PRDM10: variants seen among roughly 807,000 people sequenced by gnomAD.
PRDM10 encodes the protein PR/SET domain 10.
In PRDM10, 65 loss-of-function variants were observed where a neutral mutation model predicts 133.1. The ratio of observed to expected loss-of-function variants is 0.49; its 90% CI spans 0.40 to 0.60. PRDM10 has a LOEUF of 0.60. Ranked by LOEUF, PRDM10 falls within the 20% of genes least tolerant of loss-of-function variation. The probability of loss-of-function intolerance (pLI) is 0.00; values close to 1 mark genes in which losing one functional copy is unlikely to be tolerated. For missense variants in PRDM10, 1,137 were observed against 1,507.1 expected (o/e 0.75, Z 4.07); for synonymous variants, 582 against 580.4 (o/e 1.00, Z -0.04).
At chr11:129,998,665 CAGA>C (rs1010079328) in intron 1 of PRDM10, among the ~76,000 whole-genome samples, 7 of 152,180 alleles carry the variant, frequency 4.6e-5, no homozygotes, top group Admixed American at 1.3e-4. Context: ...TTTCAAGTTA[CAGA>C]AGAAGAATCT....
rs564089033 is a variant in PRDM10, at chr11:129,987,882, T to G, written c.-119+14840A>C. Among the ~76,000 whole-genome samples, 535 of 152,264 alleles carry G rather than the reference T, an allele frequency of 3.5e-3. 3 individuals carry two copies. Among genetic ancestry groups the G allele is most frequent in the African/African-American group, 0.012 (512 of 41,540 alleles). On this transcript the variant is annotated intron_variant, in intron 1 of 20. Coordinates refer to ENST00000360871, the MANE Select transcript of PRDM10 (RefSeq NM_199437.2). ...TGGGCGCAGTGGCAGGTGCCTGTAGTTCCAGCTACTCGGGAGACTGAGGCA... is the reference window on the plus strand; with the variant it reads ...TGGGCGCAGTGGCAGGTGCCTGTAGGTCCAGCTACTCGGGAGACTGAGGCA...
At chr11:129,942,850 A>G (rs779670477) in intron 6 of PRDM10, among the ~76,000 whole-genome samples, 4 of 152,222 alleles carry the variant, frequency 2.6e-5, no homozygotes, top group Admixed American at 6.5e-5. Flanking sequence ...GGCAAAATCT[A>G]AAAGTTCATC....
At chr11:129,931,373 C>A in intron 10 of PRDM10, 115 bp from the exon 11 acceptor site, 1 of 1,380,398 alleles carries the variant, frequency 7.2e-7, no homozygotes, top group Non-Finnish European at 9.7e-7. Flanking sequence ...AAAAAATATT[C>A]TCCCTCTGGG....
rs2135885105 is a variant in PRDM10, at chr11:129,947,290, G to A, written c.375C>T (p.Thr125=). Residue 125 remains threonine (T), a synonymous_variant, in exon 5 of 21, where the codon ACC becomes ACT. Transcript: ENST00000360871. This position sits in a 1 kb window ranked among gnomAD's most constrained non-coding sequence, Gnocchi z 4.6. ...DGSDPLATLQ[T]PLGRLEAKEE... ...CTTTGGCCTCCAGTCTGCCTAGAGG[G>A]GTCTGCAGAGTTGCCAAAGGGTCGG... The A allele has an allele frequency of 6.2e-7, 1 of 1,614,046 alleles. No individual in the cohort carries two copies. The highest frequency in any genetic ancestry group is 8.5e-7 in the Non-Finnish European group (1 of 1,180,002).
intron 1 of PRDM10, among the ~76,000 whole-genome samples, chr11:129,961,307 A>G (rs1951790721): frequency 6.7e-6 from 1 of 150,100 alleles, no homozygotes; most frequent in Admixed American, 6.7e-5. Context: ...GGGTGAGGGG[A>G]GTTGTTTTTG....
intron 4 of PRDM10, among the ~76,000 whole-genome samples, chr11:129,950,041 G>C (rs1951542899): frequency 6.7e-6 from 1 of 150,232 alleles, no homozygotes; most frequent in Non-Finnish European, 1.5e-5. Context: ...TTCGAGACCA[G>C]CCTGAGCAAC....
intron 17 of PRDM10, 66 bp downstream of exon 17, chr11:129,914,638 C>G (rs773373139): frequency 1.0e-5 from 16 of 1,590,294 alleles, no homozygotes; most frequent in African/African-American, 4.0e-5. Flanking sequence ...AGCCCCAGCT[C>G]TGAGAATGAG....
At chr11:129,943,264 G>C (rs1247830822) in intron 6 of PRDM10, among the ~76,000 whole-genome samples, 5 of 152,202 alleles carry the variant, frequency 3.3e-5, no homozygotes, top group Non-Finnish European at 1.5e-5. Context: ...TCTTTAACCA[G>C]AGTCTACAGG....
At chr11:129,940,079 T>C (rs1219748093) in intron 7 of PRDM10, among the ~76,000 whole-genome samples, 1 of 152,234 alleles carries the variant, frequency 6.6e-6, no homozygotes, top group African/African-American at 2.4e-5. Flanking sequence ...ATTCAGGCTC[T>C]GCACACAAAG....
chr11:129,936,085 A>G (rs1441567259), intron 8 of PRDM10, among the ~76,000 whole-genome samples: 1 of 152,166 alleles, frequency 6.6e-6, no homozygotes, highest in East Asian at 1.9e-4. Flanking sequence ...CACCCGGCCA[A>G]TCATTGAATC....
In PRDM10 at chr11:130,001,797, G is replaced by A. The variant is rs565534495; in HGVS notation, c.-119+925C>T. On this transcript the variant is annotated intron_variant, in intron 1 of 20. Coordinates refer to ENST00000360871, the MANE Select transcript of PRDM10 (RefSeq NM_199437.2). ...AGGTGCACACCATCAGCCCTCTCCC[G>A]AGCGCCGACCGGCCTCGCCCTGCCT... 2.0e-5 allele frequency among the ~76,000 whole-genome samples: 3 copies of A among 152,212 alleles called. No homozygotes were observed. In the East Asian group the frequency reaches 5.8e-4, roughly 30 times the overall value.
At chr11:129,936,895 G>T (rs1490827980) in intron 8 of PRDM10, among the ~76,000 whole-genome samples, 2 of 152,064 alleles carry the variant, frequency 1.3e-5, no homozygotes, top group Admixed American at 1.3e-4. Flanking sequence ...ACAGTAAAAT[G>T]GATACATCAA....
chr11:129,949,636 A>C (rs1341598102), intron 4 of PRDM10, among the ~76,000 whole-genome samples: 4 of 152,210 alleles, frequency 2.6e-5, no homozygotes, highest in African/African-American at 9.6e-5. Flanking sequence ...AACTCTAAAA[A>C]GAGGCTGGGT....
rs117222935 is a variant in PRDM10 at position 129,900,660 on chromosome 11, T to C, written c.*1653A>G. On this transcript the variant is annotated 3_prime_UTR_variant, in exon 21 of 21. Transcript: ENST00000360871. ...CCGGACACTAGGATATTTGTAATCATTACACTGTGGGACTTAGGGAACCCG... is the reference window on the plus strand; with the variant it reads ...CCGGACACTAGGATATTTGTAATCACTACACTGTGGGACTTAGGGAACCCG... The C allele has an allele frequency of 1.3e-5, 2 of 152,362 alleles. No individual in the cohort carries two copies. The highest frequency in any genetic ancestry group is 1.9e-4 in the East Asian group (1 of 5,192). The allele number at this position is 152,362 out of a possible 1,614,324, so 9.4% of individuals were successfully genotyped here.
intron 1 of PRDM10, among the ~76,000 whole-genome samples, chr11:129,984,333 G>A (rs1385676845): frequency 6.6e-6 from 1 of 152,190 alleles, no homozygotes; most frequent in Non-Finnish European, 1.5e-5. Context: ...TACTTTTCTA[G>A]ACTTATATTT....
chr11:129,967,019 A>G (rs1442201580), intron 1 of PRDM10, among the ~76,000 whole-genome samples: 1 of 152,222 alleles, frequency 6.6e-6, no homozygotes, highest in African/African-American at 2.4e-5. Context: ...CCAAAGAGTG[A>G]TATGATAAAA....
At position 129,947,709 on chromosome 11, in the gene PRDM10, C is replaced by T. The variant is rs1392503478; in HGVS notation, c.295-339G>A. The T allele has an allele frequency of 5.9e-6, 3 of 510,218 alleles. No homozygotes were observed. The highest frequency in any genetic ancestry group is 1.0e-5 in the Non-Finnish European group (3 of 295,638). The allele number at this position is 510,218 out of a possible 1,614,324, so 31.6% of individuals were successfully genotyped here. On this transcript the variant is annotated intron_variant, in intron 4 of 20. Transcript: ENST00000360871. The surrounding 1 kb of genome is among the most constrained non-coding windows in gnomAD (Gnocchi z 4.6). ...CCTGACCACCTGCGTCCTGACCCCA[C>T]CCCTAAAACTTAATAAAACCTGGTC...
chr11:129,951,053 A>G (rs1408931302), intron 4 of PRDM10, among the ~76,000 whole-genome samples: 1 of 152,212 alleles, frequency 6.6e-6, no homozygotes, highest in Non-Finnish European at 1.5e-5. Flanking sequence ...AAACATGCAA[A>G]CTGCTGTGGA....
intron 13 of PRDM10, among the ~76,000 whole-genome samples, chr11:129,921,539 G>A (rs1950523238): frequency 6.6e-6 from 1 of 152,206 alleles, no homozygotes; most frequent in Non-Finnish European, 1.5e-5. Flanking sequence ...TGCGTGAAGA[G>A]CTATTTAAGA....
Sources: allele counts gnomAD v4.1 joint callset (sites outside exome capture counted in the v4.1 genomes callset), GRCh38; gene constraint gnomAD v4.1.1; non-coding constraint Gnocchi (gnomAD v3.1); transcripts MANE v1.5; gene names NCBI Gene and HGNC (gene_info 2026-07-23, HGNC 2026-07-21).